The following NFIA variants were observed in gnomAD, a reference collection of about 807,000 sequenced individuals.
The protein encoded by NFIA is nuclear factor 1 A-type.
NFIA carries 8 observed loss-of-function variants against 62.8 expected under a neutral mutation model. That is an observed-to-expected ratio of 0.13 (90% CI 0.07 to 0.23). The LOEUF (loss-of-function observed/expected upper bound fraction) is 0.23. Ranked by LOEUF, NFIA falls within the 10% of genes least tolerant of loss-of-function variation. NFIA has a pLI of 1.00. For synonymous variants in NFIA, 235 were observed against 238.1 expected, an observed-to-expected ratio of 0.99 and a Z score of 0.12; for missense variants, 410 against 642.1, an observed-to-expected ratio of 0.64 and a Z score of 3.91.
chr1:61,311,057 G>A (rs980335276), intron 3 of NFIA, among the ~76,000 whole-genome samples: 1 of 152,146 alleles, frequency 6.6e-6, no homozygotes, highest in Non-Finnish European at 1.5e-5. Context: ...TAGGTATTTA[G>A]TTAGTATTGC....
intron 2 of NFIA, among the ~76,000 whole-genome samples, chr1:61,186,595 A>G (rs1180880752): frequency 6.6e-6 from 1 of 152,236 alleles, no homozygotes; most frequent in African/African-American, 2.4e-5. Context: ...AAAGAATTAT[A>G]AAAGAGGGAG....
intron 2 of NFIA, among the ~76,000 whole-genome samples, chr1:61,180,193 G>A (rs1650665437): frequency 2.0e-5 from 3 of 151,794 alleles, no homozygotes; most frequent in Admixed American, 1.3e-4. Context: ...ACCCCAGTTA[G>A]CCCCTGGCTT....
intron 2 of NFIA, among the ~76,000 whole-genome samples, chr1:61,254,699 G>A (rs1656264899): frequency 6.6e-6 from 1 of 152,168 alleles, no homozygotes; most frequent in Non-Finnish European, 1.5e-5. Context: ...CCCAGAATTG[G>A]GGTCAGCAAC....
At chr1:61,452,449 C>G (rs1668099364) in intron 10 of NFIA, among the ~76,000 whole-genome samples, 1 of 152,068 alleles carries the variant, frequency 6.6e-6, no homozygotes, top group Non-Finnish European at 1.5e-5. Flanking sequence ...TACTAATGGT[C>G]AAATTATAGG....
chr1:61,121,872 C>G (rs755292251), intron 2 of NFIA, among the ~76,000 whole-genome samples: 13 of 152,138 alleles, frequency 8.5e-5, no homozygotes, highest in Non-Finnish European at 1.5e-4. Flanking sequence ...ACTGTGCAGT[C>G]AGCTCAACTT....
chr1:61,189,149 A>G (rs1651424950), intron 2 of NFIA, among the ~76,000 whole-genome samples: 1 of 152,182 alleles, frequency 6.6e-6, no homozygotes, highest in East Asian at 1.9e-4. Flanking sequence ...TGTGGCCCAG[A>G]GAAAGCAGTG....
intron 2 of NFIA, among the ~76,000 whole-genome samples, chr1:61,184,261 C>G (rs1432217054): frequency 6.6e-6 from 1 of 152,094 alleles, no homozygotes; most frequent in Non-Finnish European, 1.5e-5. Context: ...CAGTGAAGGG[C>G]GACGTTCCGC....
intron 3 of NFIA, among the ~76,000 whole-genome samples, chr1:61,312,216 G>A (rs1660156569): frequency 6.6e-6 from 1 of 152,230 alleles, no homozygotes; most frequent in Admixed American, 6.5e-5. Flanking sequence ...TGCTCTTTGG[G>A]TGTGGGAAGT....
At chr1:61,231,689 G>T (rs1654677794) in intron 2 of NFIA, among the ~76,000 whole-genome samples, 1 of 152,110 alleles carries the variant, frequency 6.6e-6, no homozygotes, top group Non-Finnish European at 1.5e-5. Flanking sequence ...TCTAAGCTGA[G>T]TATAGTGGCA....
chr1:61,356,227 G>A (rs1394357122), intron 5 of NFIA, among the ~76,000 whole-genome samples: 1 of 152,148 alleles, frequency 6.6e-6, no homozygotes. Context: ...AGATTAAAAA[G>A]TATATAGTCA....
chr1:61,198,887 T>G (rs1652218193), intron 2 of NFIA, among the ~76,000 whole-genome samples: 1 of 152,198 alleles, frequency 6.6e-6, no homozygotes, highest in South Asian at 2.1e-4. Context: ...GCTGGCTTGC[T>G]TAAAAGGCAG....
chr1:61,136,162 G>T (rs544234193), intron 2 of NFIA, among the ~76,000 whole-genome samples: 46 of 152,266 alleles, frequency 3.0e-4, no homozygotes, highest in African/African-American at 1.1e-3. Context: ...AAAACATGTT[G>T]TACTGAGGTT....
intron 3 of NFIA, among the ~76,000 whole-genome samples, chr1:61,313,370 G>T (rs1205226440): frequency 6.6e-6 from 1 of 152,188 alleles, no homozygotes; most frequent in Non-Finnish European, 1.5e-5. Flanking sequence ...TCATGGCAGA[G>T]GGTGACGCAG....
chr1:61,316,155 C>T (rs1557701635), intron 3 of NFIA, among the ~76,000 whole-genome samples: 1 of 152,152 alleles, frequency 6.6e-6, no homozygotes, highest in Non-Finnish European at 1.5e-5. Context: ...CCCCCTCAAC[C>T]AAAGATAGTA....
At chr1:61,204,671 C>T (rs951735626) in intron 2 of NFIA, among the ~76,000 whole-genome samples, 1 of 152,064 alleles carries the variant, frequency 6.6e-6, no homozygotes, top group Non-Finnish European at 1.5e-5. Context: ...TCTGCCCCCC[C>T]CACCCTTGGG....
At chr1:61,369,498 A>T (rs542329390) in intron 6 of NFIA, among the ~76,000 whole-genome samples, 1 of 152,248 alleles carries the variant, frequency 6.6e-6, no homozygotes, top group East Asian at 1.9e-4. Flanking sequence ...CCTATATCTA[A>T]TATTATTTAA....
intron 2 of NFIA, among the ~76,000 whole-genome samples, chr1:61,162,645 A>G (rs1032606606): frequency 7.2e-5 from 11 of 152,082 alleles, no homozygotes; most frequent in African/African-American, 2.7e-4. Context: ...TTAGCCCACT[A>G]TCTGTCCCAT....
At chr1:61,218,317 C>T (rs935283630) in intron 2 of NFIA, among the ~76,000 whole-genome samples, 18 of 152,144 alleles carry the variant, frequency 1.2e-4, no homozygotes, top group East Asian at 3.9e-4. Flanking sequence ...GTTCATGTAC[C>T]GACTTCAAGA....
chr1:61,082,886 GGGGGCACC>G, intron 1 of NFIA, 68 bp downstream of exon 1: 1 of 1,464,504 alleles, frequency 6.8e-7, no homozygotes, highest in Non-Finnish European at 9.1e-7. Flanking sequence ...GGGCTGGGTG[GGGGGCACC>G]GGGGCCGTCG....
Sources: allele counts gnomAD v4.1 joint callset (sites outside exome capture counted in the v4.1 genomes callset), GRCh38; gene constraint gnomAD v4.1.1; transcripts MANE v1.5; gene names NCBI Gene and HGNC (gene_info 2026-07-23, HGNC 2026-07-21).